The following RANBP2 variants were observed in gnomAD, a reference collection of about 807,000 sequenced individuals.
RANBP2 encodes E3 SUMO-protein ligase RanBP2.
Under a neutral mutation model 303.6 loss-of-function variants are expected in RANBP2, and 57 were observed. The ratio of observed to expected loss-of-function variants is 0.19; its 90% CI spans 0.15 to 0.23. The LOEUF (loss-of-function observed/expected upper bound fraction) is 0.23. RANBP2 is among the 10% of genes least tolerant of loss of function. RANBP2 has a pLI of 1.00. For missense variants in RANBP2, 3,138 were observed against 3,780.8 expected (o/e 0.83, Z 4.46); for synonymous variants, 1,167 against 1,301.5 (o/e 0.90, Z 2.23).
the RANBP2 span, among the ~76,000 whole-genome samples, chr2:109,659,171 G>A: frequency 1.3e-4 from 20 of 152,120 alleles, no homozygotes; most frequent in Admixed American, 1.3e-3. Context: ...GAGGTCAGGA[G>A]TTTGAGACCA....
the RANBP2 span, among the ~76,000 whole-genome samples, chr2:109,763,946 C>G: frequency 2.7e-5 from 4 of 145,866 alleles, no homozygotes; most frequent in Admixed American, 7.2e-5. Context: ...AAGCTCAGTT[C>G]TGTTGAATAT....
chr2:108,964,899 G>A, the RANBP2 span, among the ~76,000 whole-genome samples: 1 of 152,082 alleles, frequency 6.6e-6, no homozygotes, highest in African/African-American at 2.4e-5. Flanking sequence ...ATAACAGCAC[G>A]TCTGGAATAA....
At chr2:109,189,144 G>C in the RANBP2 span, among the ~76,000 whole-genome samples, 1 of 151,970 alleles carries the variant, frequency 6.6e-6, no homozygotes, top group Admixed American at 6.5e-5. Flanking sequence ...CCCAGGCTGT[G>C]ACCTCGCTGA....
At chr2:109,051,408 C>A in the RANBP2 span, among the ~76,000 whole-genome samples, 1 of 152,164 alleles carries the variant, frequency 6.6e-6, no homozygotes, top group Non-Finnish European at 1.5e-5. Context: ...AAAAACAGTT[C>A]TTTTCCTGGA....
At chr2:109,130,005 C>T in the RANBP2 span, 9 of 1,299,366 alleles carry the variant, frequency 6.9e-6, no homozygotes, top group East Asian at 1.6e-4. Context: ...GCGGGGGCGG[C>T]GCGGCAGGCA....
In RANBP2 at chr2:108,780,501, A is replaced by G. The variant is rs1478393917; in HGVS notation, c.8600-768A>G. ...TGCCCCAGCCTCCTGAGTAGCTGGG[A>G]TCAGTCACCCATGACCACACACTGC... On this transcript the variant is annotated intron_variant, in intron 25 of 28. Transcript: ENST00000283195. Among the ~76,000 whole-genome samples the G allele has an allele frequency of 2.0e-5, 3 of 147,420 alleles. No homozygotes were observed. The East Asian group carries it at 6.0e-4, about 29-fold the overall frequency.
the RANBP2 span, chr2:109,129,806 G>A: frequency 3.9e-6 from 6 of 1,538,102 alleles, no homozygotes; most frequent in South Asian, 4.8e-5. Context: ...GTGTGCTCGC[G>A]CCACGAGCTG....
At chr2:109,732,830 C>A in the RANBP2 span, 1 of 1,289,986 alleles carries the variant, frequency 7.8e-7, no homozygotes, top group Non-Finnish European at 1.1e-6. Context: ...TGCTAGAAAC[C>A]CTCCTGGCTT....
At chr2:108,741,110 AAC>A (rs986275197) in intron 7 of RANBP2, among the ~76,000 whole-genome samples, 2 of 152,318 alleles carry the variant, frequency 1.3e-5, no homozygotes, top group Admixed American at 1.3e-4. Flanking sequence ...TGTTAATTGA[AAC>A]ACATGTATAT....
chr2:108,855,398 C>T, the RANBP2 span, among the ~76,000 whole-genome samples: 2 of 151,772 alleles, frequency 1.3e-5, no homozygotes, highest in East Asian at 3.9e-4. Flanking sequence ...GTGTCAAATA[C>T]AGTAGGTGGC....
At chr2:109,737,475 C>CTT in the RANBP2 span, 11 of 511,638 alleles carry the variant, frequency 2.1e-5, no homozygotes, top group East Asian at 3.5e-5. Flanking sequence ...TCAGAACCTG[C>CTT]TTTTTTTTTT....
At chr2:108,939,649 T>C in the RANBP2 span, among the ~76,000 whole-genome samples, 7 of 152,318 alleles carry the variant, frequency 4.6e-5, 1 homozygote, top group African/African-American at 1.7e-4. Context: ...TGTAAGGCCA[T>C]TGCTATACCC....
chr2:109,658,407 C>T, the RANBP2 span, among the ~76,000 whole-genome samples: 7 of 151,358 alleles, frequency 4.6e-5, no homozygotes, highest in South Asian at 2.1e-4. Flanking sequence ...GATCATGCCA[C>T]GGCACTCCAG....
At chr2:109,545,890 G>A in the RANBP2 span, 1 of 1,436,788 alleles carries the variant, frequency 7.0e-7, no homozygotes, top group Non-Finnish European at 9.2e-7. Flanking sequence ...AAACAGCAGT[G>A]AACAAGAGGG....
chr2:109,710,617 CCAA>C, the RANBP2 span, among the ~76,000 whole-genome samples: 2 of 152,208 alleles, frequency 1.3e-5, no homozygotes, highest in African/African-American at 4.8e-5. Context: ...GACCCCACCA[CCAA>C]GGCCCTGGCC....
chr2:109,346,528 T>C, the RANBP2 span, among the ~76,000 whole-genome samples: 1 of 152,082 alleles, frequency 6.6e-6, no homozygotes, highest in East Asian at 1.9e-4. Context: ...TTGGTTTTCC[T>C]CTAGCACAGG....
chr2:109,341,498 G>A, the RANBP2 span, among the ~76,000 whole-genome samples: 3 of 152,152 alleles, frequency 2.0e-5, no homozygotes, highest in East Asian at 1.9e-4. Flanking sequence ...AAATGCTTAC[G>A]AGCTAAAGAA....
At chr2:109,250,981 T>C in the RANBP2 span, among the ~76,000 whole-genome samples, 1 of 152,068 alleles carries the variant, frequency 6.6e-6, no homozygotes, top group Non-Finnish European at 1.5e-5. Context: ...ATAGCTTTTT[T>C]TTTCAAATTA....
chr2:108,853,448 G>A, the RANBP2 span, among the ~76,000 whole-genome samples: 1 of 151,556 alleles, frequency 6.6e-6, no homozygotes. Context: ...CAATATATGT[G>A]TACCAATTTA....
Sources: gnomAD v4.1 joint callset for allele counts (sites outside exome capture counted in the v4.1 genomes callset) on GRCh38, gnomAD v4.1.1 for gene constraint, MANE v1.5 for transcripts, NCBI Gene and HGNC (gene_info 2026-07-23, HGNC 2026-07-21) for gene names.